Variants in MAGI2 observed in about 807,000 individuals in gnomAD.
MAGI2 encodes the protein membrane associated guanylate kinase, WW and PDZ domain containing 2.
Under a neutral mutation model 133.3 loss-of-function variants are expected in MAGI2, and 35 were observed. That is an observed-to-expected ratio of 0.26 (90% confidence interval 0.20 to 0.35). The LOEUF (loss-of-function observed/expected upper bound fraction) is 0.35. Ranked by LOEUF, MAGI2 falls within the 10% of genes least tolerant of loss-of-function variation. MAGI2 has a pLI of 1.00. For synonymous variants in MAGI2, 729 were observed against 710.6 expected, an observed-to-expected ratio of 1.03 and a Z score of -0.41; for missense variants, 1,636 against 1,863.4, an observed-to-expected ratio of 0.88 and a Z score of 2.25.
At chr7:78,764,511 A>C (rs949882903) in intron 2 of MAGI2, among the ~76,000 whole-genome samples, 2 of 152,230 alleles carry the variant, frequency 1.3e-5, no homozygotes, top group African/African-American at 2.4e-5. Context: ...ATCTTAACAC[A>C]GCTTGTGCTA....
At chr7:79,054,066 G>A (rs1812919008) in intron 1 of MAGI2, among the ~76,000 whole-genome samples, 1 of 152,038 alleles carries the variant, frequency 6.6e-6, no homozygotes, top group South Asian at 2.1e-4. Flanking sequence ...CATGGTGGCT[G>A]GCGCCTGTAG....
At chr7:78,576,493 C>A (rs1352075671) in intron 3 of MAGI2, among the ~76,000 whole-genome samples, 1 of 152,104 alleles carries the variant, frequency 6.6e-6, no homozygotes, top group Non-Finnish European at 1.5e-5. Flanking sequence ...TCTTCCAAGG[C>A]AGGTCATATA....
At chr7:78,719,008 G>C (rs565024178) in intron 2 of MAGI2, among the ~76,000 whole-genome samples, 1 of 152,280 alleles carries the variant, frequency 6.6e-6, no homozygotes, top group Middle Eastern at 3.4e-3. Context: ...GAGGGTTTGT[G>C]TGTATGTATT....
rs186363640 is a variant in MAGI2, at chr7:78,721,279, G to A, written c.419-94040C>T. Among the ~76,000 whole-genome samples the A allele has an allele frequency of 7.2e-5, 11 of 152,036 alleles. No individual in the cohort carries two copies. The East Asian group carries it at 2.1e-3, about 29-fold the overall frequency. On this transcript the variant is annotated intron_variant, in intron 2 of 21. Coordinates refer to ENST00000354212, the MANE Select transcript of MAGI2 (RefSeq NM_012301.4). ...ATGTATAAAATCACTGTATATGTAT[G>A]TATATGCCCAGAATGTATATGCCCA...
At chr7:78,527,705 A>G (rs766078430) in intron 3 of MAGI2, among the ~76,000 whole-genome samples, 7 of 152,142 alleles carry the variant, frequency 4.6e-5, no homozygotes, top group Non-Finnish European at 8.8e-5. Flanking sequence ...CTTACTTCCA[A>G]CACCTTTTTT....
chr7:78,858,384 C>A (rs1261331136), intron 2 of MAGI2, among the ~76,000 whole-genome samples: 1 of 152,174 alleles, frequency 6.6e-6, no homozygotes, highest in African/African-American at 2.4e-5. Flanking sequence ...CTCTTGTGGG[C>A]ATTTAGTGCT....
chr7:78,681,239 A>T (rs1258505576), intron 2 of MAGI2, among the ~76,000 whole-genome samples: 2 of 152,172 alleles, frequency 1.3e-5, no homozygotes, highest in Non-Finnish European at 2.9e-5. Flanking sequence ...TAACCCCGAG[A>T]TGTACACTTA....
Position 78,161,050 on chromosome 7 carries a change from C to T in MAGI2, c.2597-777G>A, listed in dbSNP as rs983465980. Among the ~76,000 whole-genome samples, 5 of 152,294 alleles carry T rather than the reference C, an allele frequency of 3.3e-5. No individual in the cohort carries two copies. In the South Asian group the frequency reaches 6.2e-4, roughly 19 times the overall value. On this transcript the variant is annotated intron_variant, in intron 15 of 21. Coordinates refer to ENST00000354212, the MANE Select transcript of MAGI2 (RefSeq NM_012301.4). ...TCATTTAAAAAATAGCTTGCTTGCT[C>T]TAGGATCAAATCTAATTTCAGGCTC...
intron 3 of MAGI2, among the ~76,000 whole-genome samples, chr7:78,572,263 G>A (rs1348682411): frequency 6.6e-6 from 1 of 152,094 alleles, no homozygotes; most frequent in Admixed American, 6.5e-5. Flanking sequence ...TGATTATCGA[G>A]GAAATCAGGG....
At chr7:78,605,290 T>C (rs1023065256) in intron 3 of MAGI2, among the ~76,000 whole-genome samples, 1 of 152,182 alleles carries the variant, frequency 6.6e-6, no homozygotes, top group East Asian at 1.9e-4. Flanking sequence ...ATAAAATGGA[T>C]ATGGAGATGC....
intron 20 of MAGI2, among the ~76,000 whole-genome samples, chr7:78,109,592 A>G (rs1376128364): frequency 2.6e-5 from 4 of 152,174 alleles, no homozygotes; most frequent in Admixed American, 6.5e-5. Flanking sequence ...AGATGGCGAC[A>G]CTGCACTCCA....
At chr7:78,807,275 A>G (rs1788655374) in intron 2 of MAGI2, among the ~76,000 whole-genome samples, 1 of 152,154 alleles carries the variant, frequency 6.6e-6, no homozygotes, top group Non-Finnish European at 1.5e-5. Context: ...AAACTAAAAA[A>G]CTAAAAGTAT....
intron 2 of MAGI2, among the ~76,000 whole-genome samples, chr7:78,963,847 G>A (rs62467733): frequency 0.015 from 2,298 of 151,900 alleles, 35 homozygotes; most frequent in African/African-American, 0.033. Flanking sequence ...TAAATTATCA[G>A]GGCATCAGAG....
chr7:78,054,890 C>T (rs1053411604), intron 21 of MAGI2, among the ~76,000 whole-genome samples: 2 of 151,882 alleles, frequency 1.3e-5, no homozygotes, highest in South Asian at 4.2e-4. Context: ...TGGGCTCAAG[C>T]GATCTTCCTA....
chr7:78,231,666 A>C (rs1348853084), intron 10 of MAGI2, among the ~76,000 whole-genome samples: 1 of 151,876 alleles, frequency 6.6e-6, no homozygotes, highest in East Asian at 2.0e-4. Context: ...TGCTAACATA[A>C]ATGAAAAGGT....
chr7:78,201,489 C>T, intron 10 of MAGI2, among the ~76,000 whole-genome samples: 1 of 152,204 alleles, frequency 6.6e-6, no homozygotes, highest in Admixed American at 6.5e-5. Flanking sequence ...AAAACTCAGT[C>T]ACCCTTAGGG....
intron 1 of MAGI2, among the ~76,000 whole-genome samples, chr7:79,189,796 A>G (rs906525057): frequency 6.6e-6 from 1 of 150,910 alleles, no homozygotes; most frequent in African/African-American, 2.4e-5. Context: ...CTTCCCTCCC[A>G]CCCCTGACAA....
At position 79,248,756 on chromosome 7, in the gene MAGI2, G is replaced by A. The variant is rs116898935; in HGVS notation, c.301+204264C>T. 5.9e-4 allele frequency among the ~76,000 whole-genome samples: 89 copies of A among 152,046 alleles called. 1 individual carries two copies. The East Asian group carries it at 0.016, about 27-fold the overall frequency. ...CAAACACATGGAAATTAGACAATAA[G>A]CTCCTGAATGGATCAATAAAGAAAT... On this transcript the variant is annotated intron_variant, in intron 1 of 21. Coordinates refer to ENST00000354212, the MANE Select transcript of MAGI2 (RefSeq NM_012301.4).
At chr7:78,352,307 T>C (rs1791602955) in intron 7 of MAGI2, among the ~76,000 whole-genome samples, 1 of 152,212 alleles carries the variant, frequency 6.6e-6, no homozygotes, top group South Asian at 2.1e-4. Flanking sequence ...TTACAGGGCT[T>C]TGAAATGCTG....
Sources: allele counts gnomAD v4.1 joint callset (sites outside exome capture counted in the v4.1 genomes callset), GRCh38; gene constraint gnomAD v4.1.1; transcripts MANE v1.5; gene names NCBI Gene and HGNC (gene_info 2026-07-23, HGNC 2026-07-21).